Variants in LRRC4C observed in about 807,000 individuals in gnomAD.
LRRC4C encodes the protein leucine-rich repeat-containing protein 4C.
In LRRC4C, 5 loss-of-function variants were observed where a neutral mutation model predicts 33.6. The observed-to-expected ratio is 0.15, with a 90% CI of 0.08 to 0.31. The LOEUF is 0.31. LRRC4C is among the 10% of genes least tolerant of loss of function. LRRC4C has a pLI of 1.00. For missense variants in LRRC4C, 560 were observed against 796.7 expected (o/e 0.70, Z 3.58); for synonymous variants, 329 against 302.0 (o/e 1.09, Z -0.93).
intron 1 of LRRC4C, among the ~76,000 whole-genome samples, chr11:41,062,103 A>G (rs751872236): frequency 2.0e-5 from 3 of 152,224 alleles, no homozygotes; most frequent in Non-Finnish European, 4.4e-5. Flanking sequence ...AGTTTAAAAA[A>G]CTTATTATAA....
At chr11:40,496,819 G>C (rs563949916) in intron 3 of LRRC4C, among the ~76,000 whole-genome samples, 6 of 152,146 alleles carry the variant, frequency 3.9e-5, no homozygotes, top group Non-Finnish European at 8.8e-5. Context: ...CTGTGATTGA[G>C]ATTGAGTTCA....
chr11:40,879,822 G>C (rs906131035), intron 2 of LRRC4C, among the ~76,000 whole-genome samples: 2 of 152,086 alleles, frequency 1.3e-5, no homozygotes, highest in Non-Finnish European at 2.9e-5. Flanking sequence ...TCAAAAACAT[G>C]GAAAACCTTG....
intron 2 of LRRC4C, among the ~76,000 whole-genome samples, chr11:40,805,765 G>A (rs977759743): frequency 2.0e-5 from 3 of 152,048 alleles, no homozygotes; most frequent in Non-Finnish European, 2.9e-5. Flanking sequence ...TTCAATTTTA[G>A]TATTAATCAC....
intron 3 of LRRC4C, among the ~76,000 whole-genome samples, chr11:40,502,550 A>G (rs1414644522): frequency 6.6e-6 from 1 of 152,130 alleles, no homozygotes; most frequent in Admixed American, 6.5e-5. Flanking sequence ...TTATAAAACC[A>G]TGAAACCTTA....
intron 3 of LRRC4C, among the ~76,000 whole-genome samples, chr11:40,359,021 A>G (rs978302997): frequency 2.6e-5 from 4 of 152,172 alleles, no homozygotes; most frequent in Non-Finnish European, 5.9e-5. Context: ...AGCCAGTTTA[A>G]TTAATCTCCT....
chr11:41,176,471 TTC>T (rs1213227517), intron 1 of LRRC4C, among the ~76,000 whole-genome samples: 2 of 152,188 alleles, frequency 1.3e-5, no homozygotes, highest in African/African-American at 4.8e-5. Context: ...CCTGCATCCA[TTC>T]ATTCAACAAA....
chr11:40,794,941 C>T (rs1565070826), intron 2 of LRRC4C, among the ~76,000 whole-genome samples: 2 of 152,160 alleles, frequency 1.3e-5, no homozygotes, highest in East Asian at 1.9e-4. Flanking sequence ...TTAATTTTCT[C>T]CTAAAATGGC....
intron 5 of LRRC4C, among the ~76,000 whole-genome samples, chr11:40,153,940 G>A (rs76538897): frequency 6.6e-6 from 1 of 152,108 alleles, no homozygotes; most frequent in East Asian, 1.9e-4. Context: ...GAACACTTGG[G>A]AAATTTATTA....
chr11:40,424,688 A>T (rs564494312), intron 3 of LRRC4C, among the ~76,000 whole-genome samples: 1 of 152,322 alleles, frequency 6.6e-6, no homozygotes, highest in South Asian at 2.1e-4. Flanking sequence ...CACGTGTAAC[A>T]ATATGGAATG....
intron 5 of LRRC4C, among the ~76,000 whole-genome samples, chr11:40,230,737 G>T (rs950873095): frequency 1.3e-5 from 2 of 152,190 alleles, no homozygotes; most frequent in African/African-American, 4.8e-5. Flanking sequence ...TCATTCGCAT[G>T]TCATCAGCAG....
intron 1 of LRRC4C, among the ~76,000 whole-genome samples, chr11:41,282,489 G>GTTATTGGTT: frequency 6.6e-6 from 1 of 152,256 alleles, no homozygotes; most frequent in Middle Eastern, 3.4e-3. Flanking sequence ...ATTCCAATGG[G>GTTATTGGTT]AGAAGTCCCA....
chr11:40,942,668 T>C (rs1045387904), intron 1 of LRRC4C, among the ~76,000 whole-genome samples: 3 of 152,148 alleles, frequency 2.0e-5, no homozygotes, highest in Non-Finnish European at 4.4e-5. Context: ...CCTTATCCTG[T>C]AGATAATGTG....
chr11:41,096,245 G>A (rs1417787818), intron 1 of LRRC4C, among the ~76,000 whole-genome samples: 2 of 151,916 alleles, frequency 1.3e-5, no homozygotes, highest in Admixed American at 1.3e-4. Context: ...TGCATTTTGT[G>A]GTTCTTCACC....
chr11:40,499,734 A>G (rs1481309843), intron 3 of LRRC4C, among the ~76,000 whole-genome samples: 1 of 152,158 alleles, frequency 6.6e-6, no homozygotes, highest in Non-Finnish European at 1.5e-5. Context: ...AAGACACCAA[A>G]GGATTGATTT....
intron 2 of LRRC4C, among the ~76,000 whole-genome samples, chr11:40,836,541 C>T (rs948624626): frequency 6.6e-6 from 1 of 152,062 alleles, no homozygotes; most frequent in East Asian, 1.9e-4. Context: ...GTCACTGTCT[C>T]CTAGTAAGAT....
chr11:41,348,292 A>G (rs1951863727), intron 1 of LRRC4C, among the ~76,000 whole-genome samples: 1 of 152,198 alleles, frequency 6.6e-6, no homozygotes, highest in Admixed American at 6.5e-5. Flanking sequence ...AAACATAGCC[A>G]AAACTCAATT....
intron 1 of LRRC4C, among the ~76,000 whole-genome samples, chr11:41,197,653 C>T (rs762740640): frequency 1.1e-4 from 17 of 151,932 alleles, no homozygotes; most frequent in Non-Finnish European, 2.2e-4. Context: ...TTAGATACTT[C>T]CTTCTGCATT....
At chr11:41,381,613 C>T (rs1436765985) in intron 1 of LRRC4C, among the ~76,000 whole-genome samples, 1 of 119,908 alleles carries the variant, frequency 8.3e-6, no homozygotes, top group Middle Eastern at 6.0e-3. Flanking sequence ...GGCAACAGAG[C>T]AAGACTCTGC....
At chr11:41,025,511 C>A (rs1856282376) in intron 1 of LRRC4C, among the ~76,000 whole-genome samples, 2 of 123,014 alleles carry the variant, frequency 1.6e-5, no homozygotes. Flanking sequence ...TCTATAAAGG[C>A]CTGAAGGTAA....
Sources: gnomAD v4.1 joint callset for allele counts (sites outside exome capture counted in the v4.1 genomes callset) on GRCh38, gnomAD v4.1.1 for gene constraint, MANE v1.5 for transcripts, NCBI Gene and HGNC (gene_info 2026-07-23, HGNC 2026-07-21) for gene names.